Variants in ZFAT observed in about 807,000 individuals in gnomAD.
ZFAT encodes the protein zinc finger protein ZFAT.
A neutral mutation model predicts 117.7 loss-of-function variants in ZFAT; 64 were observed. The ratio of observed to expected loss-of-function variants is 0.54; its 90% confidence interval spans 0.44 to 0.67. The LOEUF is 0.67. ZFAT is among the 30% of genes least tolerant of loss of function. ZFAT has a pLI of 0.00. For missense variants in ZFAT, 1,433 were observed against 1,584.5 expected, an observed-to-expected ratio of 0.90 and a Z score of 1.62; for synonymous variants, 679 against 615.0, an observed-to-expected ratio of 1.10 and a Z score of -1.54.
chr8:134,789,965 G>T, the ZFAT span, among the ~76,000 whole-genome samples: 1,165 of 152,312 alleles, frequency 7.6e-3, 8 homozygotes, highest in Middle Eastern at 0.027. Context: ...TCACTAGGAA[G>T]ATGAACTAGT....
At chr8:134,734,840 T>G in the ZFAT span, among the ~76,000 whole-genome samples, 1 of 152,176 alleles carries the variant, frequency 6.6e-6, no homozygotes, top group Non-Finnish European at 1.5e-5. Flanking sequence ...GTGCAGCTGC[T>G]CAGTCTGAGG....
chr8:134,555,599 G>C (rs1224262986), intron 11 of ZFAT, among the ~76,000 whole-genome samples: 3 of 151,844 alleles, frequency 2.0e-5, no homozygotes, highest in African/African-American at 4.8e-5. Flanking sequence ...TATAATGTCT[G>C]GCATTCAATT....
chr8:134,576,705 C>T (rs1398553165), intron 10 of ZFAT, among the ~76,000 whole-genome samples: 1 of 152,086 alleles, frequency 6.6e-6, no homozygotes, highest in East Asian at 1.9e-4. Context: ...ACTTAGATCT[C>T]CTAGAATATT....
chr8:134,494,322 TG>T (rs1818270252), intron 15 of ZFAT, among the ~76,000 whole-genome samples: 1 of 152,170 alleles, frequency 6.6e-6, no homozygotes, highest in African/African-American at 2.4e-5. Context: ...TGACCATCCT[TG>T]CAGGCCCCGG....
In ZFAT at chr8:134,613,513, T is replaced by C. The variant is rs1230734913; in HGVS notation, c.449-2858A>G. On this transcript the variant is annotated intron_variant, in intron 3 of 15. Coordinates refer to ENST00000377838, the MANE Select transcript of ZFAT (RefSeq NM_020863.4). ...GAGAAGAGAAGACTGCACAAGAATC[T>C]CATCTCTCCCCTCACCATTCCTACA... Among the ~76,000 whole-genome samples the C allele has an allele frequency of 2.6e-5, 4 of 152,130 alleles. No homozygotes were observed. In the East Asian group the frequency reaches 7.7e-4, roughly 29 times the overall value.
chr8:134,615,835 A>G (rs1828687494), intron 3 of ZFAT, among the ~76,000 whole-genome samples: 1 of 152,260 alleles, frequency 6.6e-6, no homozygotes, highest in African/African-American at 2.4e-5. Context: ...TTCAGGCACC[A>G]TGGTGCCAGG....
At chr8:134,622,378 C>T (rs1331903282) in intron 3 of ZFAT, among the ~76,000 whole-genome samples, 2 of 152,140 alleles carry the variant, frequency 1.3e-5, no homozygotes, top group Non-Finnish European at 2.9e-5. Flanking sequence ...GATGACATCG[C>T]ACAACGTGGA....
At chr8:134,729,856 T>C in the ZFAT span, among the ~76,000 whole-genome samples, 1 of 152,212 alleles carries the variant, frequency 6.6e-6, no homozygotes, top group African/African-American at 2.4e-5. Context: ...ATCCACTCCA[T>C]GGGCTTGTCC....
chr8:134,576,727 C>T (rs993779918), intron 10 of ZFAT, among the ~76,000 whole-genome samples: 4 of 152,218 alleles, frequency 2.6e-5, no homozygotes, highest in African/African-American at 9.6e-5. Context: ...TAATTTGCAG[C>T]CATGAGATCT....
At chr8:134,570,735 G>C (rs936289480) in intron 10 of ZFAT, among the ~76,000 whole-genome samples, 21 of 152,100 alleles carry the variant, frequency 1.4e-4, no homozygotes, top group Non-Finnish European at 2.6e-4. Context: ...GCATCACAAG[G>C]GCCAGTGATA....
intron 3 of ZFAT, among the ~76,000 whole-genome samples, chr8:134,613,042 C>T (rs1281907260): frequency 1.3e-5 from 2 of 152,194 alleles, no homozygotes; most frequent in Non-Finnish European, 2.9e-5. Flanking sequence ...GGGTGATACA[C>T]ACGCATAAAT....
intron 1 of ZFAT, among the ~76,000 whole-genome samples, chr8:134,694,146 G>A (rs561281936): frequency 5.3e-5 from 8 of 152,328 alleles, no homozygotes; most frequent in Non-Finnish European, 8.8e-5. Context: ...TGGAACGCGG[G>A]GCGCAGCTGA....
At chr8:134,757,398 T>A in the ZFAT span, among the ~76,000 whole-genome samples, 1 of 152,160 alleles carries the variant, frequency 6.6e-6, no homozygotes, top group Admixed American at 6.5e-5. Flanking sequence ...AGAGTCTGTT[T>A]GCAGGGATTC....
At chr8:134,493,338 C>T (rs1451504623) in intron 15 of ZFAT, among the ~76,000 whole-genome samples, 2 of 152,182 alleles carry the variant, frequency 1.3e-5, no homozygotes, top group East Asian at 3.9e-4. Context: ...GGCCAGCTCT[C>T]TTCATTGAGA....
intron 10 of ZFAT, among the ~76,000 whole-genome samples, chr8:134,575,405 T>A (rs897055744): frequency 1.3e-5 from 2 of 152,118 alleles, no homozygotes; most frequent in Non-Finnish European, 2.9e-5. Flanking sequence ...GATGGGAAGA[T>A]GCTGGACTGC....
At chr8:134,546,785 T>C (rs1342719055) in intron 11 of ZFAT, among the ~76,000 whole-genome samples, 2 of 152,236 alleles carry the variant, frequency 1.3e-5, no homozygotes, top group Non-Finnish European at 2.9e-5. Context: ...ACTTTGAGAA[T>C]GTTTGCTCCT....
rs1167845008 is a variant in ZFAT, at chr8:134,601,723, C to G, written c.1996G>C (p.Gly666Arg). The G allele has an allele frequency of 5.6e-6, 9 of 1,612,804 alleles. No individual in the cohort carries two copies. The highest frequency in any genetic ancestry group is 6.8e-6 in the Non-Finnish European group (8 of 1,179,162). ...EGQNMAVLSA[G>R]DPDPSRCLRS... ...AGACACCTGCTGGGATCTGGGTCAC[C>G]AGCTGAAAGCACAGCCATGTTCTGC... is the stretch of plus-strand genomic sequence containing the variant. The change falls in exon 6 of 16, where the codon GGT (glycine) becomes CGT (arginine). Residue 666 changes from glycine to arginine, a missense_variant. Physicochemically the swap from Gly to Arg is moderately radical, Grantham distance 125 (BLOSUM62 -2). Transcript: ENST00000377838.
the ZFAT span, among the ~76,000 whole-genome samples, chr8:134,774,325 T>C: frequency 3.3e-5 from 5 of 152,262 alleles, no homozygotes; most frequent in African/African-American, 1.2e-4. Context: ...GAATTTCTAT[T>C]GTAGGTAAAA....
At chr8:134,667,320 G>C (rs1832278123) in intron 1 of ZFAT, among the ~76,000 whole-genome samples, 1 of 152,022 alleles carries the variant, frequency 6.6e-6, no homozygotes, top group African/African-American at 2.4e-5. Flanking sequence ...GTGAAACTCT[G>C]TCTCTACTAA....
Sources: allele counts gnomAD v4.1 joint callset (sites outside exome capture counted in the v4.1 genomes callset), GRCh38; gene constraint gnomAD v4.1.1; transcripts MANE v1.5; gene names NCBI Gene and HGNC (gene_info 2026-07-23, HGNC 2026-07-21).